PEPD: variants seen among roughly 807,000 people sequenced by gnomAD.
The protein encoded by PEPD is peptidase D.
PEPD carries 53 observed loss-of-function variants against 60.7 expected under a neutral mutation model. The ratio of observed to expected loss-of-function variants is 0.87; its 90% CI spans 0.70 to 1.10. The LOEUF (loss-of-function observed/expected upper bound fraction) is 1.10. Among genes scored for constraint, PEPD ranks in the 50% least tolerant of loss-of-function variants. The pLI is 0.00. For synonymous variants in PEPD, 267 were observed against 284.1 expected, an observed-to-expected ratio of 0.94 and a Z score of 0.60; for missense variants, 711 against 711.9, an observed-to-expected ratio of 1.00 and a Z score of 0.01.
chr19:33,497,400 C>G (rs1970628944), intron 4 of PEPD, among the ~76,000 whole-genome samples: 1 of 152,280 alleles, frequency 6.6e-6, no homozygotes, highest in Non-Finnish European at 1.5e-5. Context: ...TTGCACAGGG[C>G]CTTCACGGCA....
At chr19:33,396,188 A>G (rs551487332) in intron 12 of PEPD, 6 of 152,412 alleles carry the variant, frequency 3.9e-5, no homozygotes, top group African/African-American at 1.4e-4. Flanking sequence ...CTGGGGTGGC[A>G]CATGGCCGCC....
intron 7 of PEPD, among the ~76,000 whole-genome samples, chr19:33,470,025 G>A (rs1970093919): frequency 6.6e-6 from 1 of 151,698 alleles, no homozygotes; most frequent in South Asian, 2.1e-4. Flanking sequence ...CCATCTCAAT[G>A]AGGCTCTGCC....
chr19:33,478,048 C>T lies in PEPD; in HGVS notation c.546G>A (p.Glu182=). 1 of 1,609,564 alleles carries T rather than the reference C, an allele frequency of 6.2e-7. No homozygotes were observed. Among genetic ancestry groups the T allele is most frequent in the South Asian group, 1.1e-5 (1 of 90,500 alleles). The change falls in exon 7 of 15, where the codon GAG becomes GAA. Residue 182 remains glutamate (E), a splice_region_variant and synonymous_variant. Transcript: ENST00000244137. ...AGGTGACCACAGGCCGTACTCACCA[C>T]TCAACGATCTCTGGGTGAAGAATGG... ...NNTILHPEIV[E]CRVFKTDMEL... is the part of the protein sequence containing the mutation.
At chr19:33,442,429 G>A (rs1474585504) in intron 9 of PEPD, among the ~76,000 whole-genome samples, 5 of 150,664 alleles carry the variant, frequency 3.3e-5, no homozygotes, top group East Asian at 3.9e-4. Flanking sequence ...GCCTGGGCGC[G>A]GTGGCTCACG....
chr19:33,411,670 A>C lies in PEPD; in HGVS notation c.818+2T>G. 4.4e-6 allele frequency: 7 copies of C among 1,582,916 alleles called. No homozygotes were observed. The highest frequency in any genetic ancestry group is 5.2e-6 in the Non-Finnish European group (6 of 1,152,014). On this transcript the variant is annotated splice_donor_variant, in intron 11 of 14. Transcript: ENST00000244137. LOFTEE classifies it high-confidence loss of function. ...AGAGCCAGGGCCGCTGGCCCTACTT[A>C]CCACATATCCCCATTCTGGATCGTT...
chr19:33,427,584 G>A (rs1274603632), intron 9 of PEPD, among the ~76,000 whole-genome samples: 1 of 152,190 alleles, frequency 6.6e-6, no homozygotes, highest in East Asian at 1.9e-4. Flanking sequence ...ATTCAACTTT[G>A]GGGTAGCTTA....
rs557191846 is a variant in PEPD at position 33,466,768 on chromosome 19, AAGAAAT to A, written c.549-2712_549-2707del. On this transcript the variant is annotated intron_variant, in intron 7 of 14. Coordinates refer to ENST00000244137, the MANE Select transcript of PEPD (RefSeq NM_000285.4). ...GCTTTTGTACTAATGAAAAAAAAAA[AAGAAAT>A]AAAAATTTTTTTCTAATAAAAAAAC... Among the ~76,000 whole-genome samples, 907 of 148,718 alleles carry A rather than the reference AAGAAAT, an allele frequency of 6.1e-3. 3 individuals carry two copies. The highest frequency in any genetic ancestry group is 0.031 in the East Asian group (150 of 4,848).
chr19:33,506,647 C>A (rs1970818240), intron 3 of PEPD, among the ~76,000 whole-genome samples: 1 of 144,946 alleles, frequency 6.9e-6, no homozygotes, highest in African/African-American at 2.6e-5. Flanking sequence ...ACACACATGC[C>A]CACACACACT....
intron 12 of PEPD, among the ~76,000 whole-genome samples, chr19:33,401,033 G>A (rs10425433): frequency 0.13 from 19,589 of 152,170 alleles, 1,515 homozygotes; most frequent in East Asian, 0.27. Flanking sequence ...TCAACGGCGC[G>A]CGGTGGGAGG....
intron 9 of PEPD, among the ~76,000 whole-genome samples, chr19:33,449,977 G>A (rs1969666395): frequency 1.3e-5 from 2 of 152,224 alleles, no homozygotes; most frequent in South Asian, 2.1e-4. Flanking sequence ...TGATGCCCCC[G>A]CTTGGGTGCA....
intron 6 of PEPD, among the ~76,000 whole-genome samples, chr19:33,480,605 G>A (rs1266292613): frequency 6.6e-6 from 1 of 152,120 alleles, no homozygotes; most frequent in Admixed American, 6.5e-5. Context: ...GACCATCCTG[G>A]CCAATATGGT....
intron 7 of PEPD, among the ~76,000 whole-genome samples, chr19:33,469,508 A>G (rs1970083437): frequency 6.6e-6 from 1 of 152,154 alleles, no homozygotes; most frequent in South Asian, 2.1e-4. Context: ...CGCAGCAGCC[A>G]GCAGATGGGT....
intron 12 of PEPD, among the ~76,000 whole-genome samples, chr19:33,393,347 GCTGCAGCTGCCCTGTAT>G (rs1968276587): frequency 6.6e-6 from 1 of 151,684 alleles, no homozygotes; most frequent in Admixed American, 6.5e-5. Context: ...GGCAACTCTG[GCTGCAGCTGCCCTGTAT>G]CTGGGGCAGC....
At chr19:33,508,225 C>T (rs567328628) in intron 3 of PEPD, among the ~76,000 whole-genome samples, 1 of 152,106 alleles carries the variant, frequency 6.6e-6, no homozygotes, top group Non-Finnish European at 1.5e-5. Context: ...CATGAGGAGG[C>T]GAGAGGGCAG....
At chr19:33,433,587 T>C (rs1485064671) in intron 9 of PEPD, among the ~76,000 whole-genome samples, 1 of 152,236 alleles carries the variant, frequency 6.6e-6, no homozygotes, top group East Asian at 1.9e-4. Flanking sequence ...AAAAACCTTC[T>C]TGTCAAATGA....
At chr19:33,387,620 C>T (rs935207306) in intron 14 of PEPD, 139 bp from the exon 15 acceptor site, 2 of 1,097,258 alleles carry the variant, frequency 1.8e-6, no homozygotes, top group Non-Finnish European at 2.7e-6. Context: ...CTCCGGGCTC[C>T]TTCATGGAGC....
chr19:33,477,324 A>C (rs1288339434), intron 7 of PEPD: 1 of 153,754 alleles, frequency 6.5e-6, no homozygotes, highest in Non-Finnish European at 1.4e-5. Flanking sequence ...AAATGTGATC[A>C]TACAGACTTA....
At chr19:33,429,192 C>A (rs1969218900) in intron 9 of PEPD, among the ~76,000 whole-genome samples, 1 of 152,140 alleles carries the variant, frequency 6.6e-6, no homozygotes. Context: ...TGCATCCCTG[C>A]TGGAGGAGAG....
chr19:33,457,553 G>A (rs1568481439), intron 9 of PEPD, among the ~76,000 whole-genome samples: 1 of 152,150 alleles, frequency 6.6e-6, no homozygotes, highest in African/African-American at 2.4e-5. Flanking sequence ...ATGGAGTCTC[G>A]CTCTGTTGCC....
Sources: gnomAD v4.1 joint callset for allele counts (sites outside exome capture counted in the v4.1 genomes callset) on GRCh38, gnomAD v4.1.1 for gene constraint, MANE v1.5 for transcripts, NCBI Gene and HGNC (gene_info 2026-07-23, HGNC 2026-07-21) for gene names.